Variants in HNMT observed in about 807,000 individuals in gnomAD.
HNMT encodes histamine N-methyltransferase.
HNMT carries 30 observed loss-of-function variants against 32.1 expected under a neutral mutation model. The ratio of observed to expected loss-of-function variants is 0.93; its 90% CI spans 0.70 to 1.27. HNMT has a LOEUF of 1.27. HNMT is among the 50% of genes most tolerant of loss of function. The pLI is 0.00. For missense variants in HNMT, 327 were observed against 346.0 expected (o/e 0.95, Z 0.43); for synonymous variants, 125 against 119.0 (o/e 1.05, Z -0.33).
At chr2:137,977,193 GT>G (rs772830778) in intron 2 of HNMT, among the ~76,000 whole-genome samples, 7 of 152,150 alleles carry the variant, frequency 4.6e-5, no homozygotes, top group Non-Finnish European at 8.8e-5. Context: ...ACGTTTGAGT[GT>G]TTTCCATTCC....
intron 4 of HNMT, among the ~76,000 whole-genome samples, chr2:138,003,846 AC>A (rs1360239774): frequency 6.6e-6 from 1 of 152,034 alleles, no homozygotes; most frequent in Non-Finnish European, 1.5e-5. Context: ...CCTCTGCTTA[AC>A]CCTGGATCCC....
chr2:137,976,722 A>G (rs1025196922), intron 2 of HNMT, among the ~76,000 whole-genome samples: 1 of 152,262 alleles, frequency 6.6e-6, no homozygotes, highest in Non-Finnish European at 1.5e-5. Flanking sequence ...GAACTACTTT[A>G]CATAAACACA....
chr2:137,985,494 G>A (rs745632195), intron 2 of HNMT, among the ~76,000 whole-genome samples: 2 of 152,096 alleles, frequency 1.3e-5, no homozygotes, highest in Non-Finnish European at 2.9e-5. Context: ...ATTTTTCCAA[G>A]TTGTGACTTC....
At chr2:138,012,896 AC>A (rs1280977717) in intron 5 of HNMT, among the ~76,000 whole-genome samples, 6 of 151,234 alleles carry the variant, frequency 4.0e-5, no homozygotes, top group Non-Finnish European at 7.4e-5. Flanking sequence ...TGTGGGACCC[AC>A]CCCCACCTAT....
Position 137,976,284 on chromosome 2 carries a change from A to C in HNMT, c.190+6067A>C, listed in dbSNP as rs569082975. ...CCATCTCAAAAAAACAAAAAACAAA[A>C]AAAAAAAAACCTGTCTATAAATAGA... On this transcript the variant is annotated intron_variant, in intron 2 of 5. Transcript: ENST00000280097. Among the ~76,000 whole-genome samples the C allele has an allele frequency of 7.4e-3, 1,125 of 151,722 alleles. 27 individuals are homozygous for C. Among genetic ancestry groups the C allele is most frequent in the African/African-American group, 0.025 (1,052 of 41,322 alleles).
At position 138,009,669 on chromosome 2, in the gene HNMT, A is replaced by G. The variant is rs541103622; in HGVS notation, c.524-4106A>G. 2.2e-4 allele frequency among the ~76,000 whole-genome samples: 34 copies of G among 152,210 alleles called. 1 individual carries two copies. Among genetic ancestry groups the G allele is most frequent in the East Asian group, 1.9e-4 (1 of 5,172 alleles). ...CAAATTTGATCACAAGAAATTTCCA[A>G]TCAGACATTTTCATATTGATGTCAG... On this transcript the variant is annotated intron_variant, in intron 5 of 5. Coordinates refer to ENST00000280097, the MANE Select transcript of HNMT (RefSeq NM_006895.3).
At chr2:137,990,195 T>C (rs1573661005) in intron 2 of HNMT, among the ~76,000 whole-genome samples, 1 of 152,176 alleles carries the variant, frequency 6.6e-6, no homozygotes, top group South Asian at 2.1e-4. Context: ...CTGTGTTATA[T>C]TTTAGGAATT....
chr2:138,002,526 T>A, intron 4 of HNMT: 1 of 282,754 alleles, frequency 3.5e-6, no homozygotes, highest in Non-Finnish European at 5.3e-6. Context: ...TAGCTCACTC[T>A]AGCCTCAAAA....
chr2:137,994,723 C>T (rs572256948), intron 2 of HNMT, among the ~76,000 whole-genome samples: 14 of 152,186 alleles, frequency 9.2e-5, no homozygotes, highest in Non-Finnish European at 1.6e-4. Flanking sequence ...ATACATTCTT[C>T]GCAATGCCAC....
intron 2 of HNMT, among the ~76,000 whole-genome samples, chr2:137,982,673 T>C (rs1680538450): frequency 6.6e-6 from 1 of 152,230 alleles, no homozygotes. Flanking sequence ...CAAGTTTTCA[T>C]TAAACTAAAA....
chr2:137,973,184 A>G (rs1680185885), intron 2 of HNMT, among the ~76,000 whole-genome samples: 1 of 152,220 alleles, frequency 6.6e-6, no homozygotes, highest in African/African-American at 2.4e-5. Context: ...ATCAAAAGCA[A>G]TGCATTTAAA....
intron 2 of HNMT, among the ~76,000 whole-genome samples, chr2:137,973,386 G>C (rs1449564904): frequency 6.6e-6 from 1 of 152,246 alleles, no homozygotes; most frequent in East Asian, 1.9e-4. Context: ...CCTTGCCTTA[G>C]AGAAATGGTC....
chr2:137,977,347 C>T (rs867411923), intron 2 of HNMT, among the ~76,000 whole-genome samples: 10 of 152,252 alleles, frequency 6.6e-5, no homozygotes, highest in African/African-American at 2.4e-4. Context: ...TTCCTCCTGA[C>T]AGTCATGCTG....
At chr2:137,991,058 A>G (rs1206588675) in intron 2 of HNMT, among the ~76,000 whole-genome samples, 1 of 152,196 alleles carries the variant, frequency 6.6e-6, no homozygotes, top group Non-Finnish European at 1.5e-5. Context: ...AAAGTGGTTC[A>G]CAGAACTCAG....
At chr2:137,977,239 A>G (rs534120325) in intron 2 of HNMT, among the ~76,000 whole-genome samples, 12 of 152,284 alleles carry the variant, frequency 7.9e-5, no homozygotes, top group African/African-American at 2.9e-4. Context: ...ATAAAAGTCC[A>G]TGGCATGTGT....
chr2:138,002,892 T>A, intron 4 of HNMT: 2 of 359,876 alleles, frequency 5.6e-6, no homozygotes, highest in Non-Finnish European at 7.7e-6. Context: ...AGGGGCAGGT[T>A]AAATGATGCC....
chr2:137,991,159 C>A (rs1258311114), intron 2 of HNMT, among the ~76,000 whole-genome samples: 7 of 152,190 alleles, frequency 4.6e-5, no homozygotes, highest in Non-Finnish European at 2.9e-5. Context: ...AGAGAAGGTA[C>A]ACAGAGCTTT....
intron 2 of HNMT, among the ~76,000 whole-genome samples, chr2:137,975,235 GT>G (rs1252801209): frequency 5.9e-5 from 9 of 152,174 alleles, no homozygotes; most frequent in Admixed American, 5.2e-4. Flanking sequence ...CCAAAGAGGT[GT>G]TTGAAGGCTT....
At chr2:137,989,320 C>T (rs1338076474) in intron 2 of HNMT, among the ~76,000 whole-genome samples, 1 of 152,158 alleles carries the variant, frequency 6.6e-6, no homozygotes, top group Non-Finnish European at 1.5e-5. Flanking sequence ...TAGTTGAAAT[C>T]ACACAGCATG....
Sources: allele counts gnomAD v4.1 joint callset (sites outside exome capture counted in the v4.1 genomes callset), GRCh38; gene constraint gnomAD v4.1.1; transcripts MANE v1.5; gene names NCBI Gene and HGNC (gene_info 2026-07-23, HGNC 2026-07-21).